IKZF3: variants seen among roughly 807,000 people sequenced by gnomAD.
The protein encoded by IKZF3 is IKAROS family zinc finger 3.
A neutral mutation model predicts 49.0 loss-of-function variants in IKZF3; 10 were observed. That is an observed-to-expected ratio of 0.20 (90% CI 0.13 to 0.35). The LOEUF is 0.35. IKZF3 is among the 10% of genes least tolerant of loss of function. IKZF3 has a pLI of 1.00. For synonymous variants in IKZF3, 209 were observed against 228.2 expected (o/e 0.92, Z 0.76); for missense variants, 498 against 664.8 (o/e 0.75, Z 2.76).
rs1439172184 is a variant in IKZF3, at chr17:39,759,723, G to A, written c.*6067C>T. 1.3e-5 allele frequency: 2 copies of A among 152,214 alleles called. No homozygotes were observed. Among genetic ancestry groups the A allele is most frequent in the African/African-American group, 4.8e-5 (2 of 41,422 alleles). 9.4% of individuals were successfully genotyped at this position (152,214 alleles called of 1,614,324 possible). On this transcript the variant is annotated 3_prime_UTR_variant, in exon 8 of 8. Transcript: ENST00000346872. ...CTGAGGTGGCCCAGGTCCAGCTGCT[G>A]GTTTCAGATCAAAATTGACCTCCTT...
chr17:39,835,577 G>C, intron 1 of IKZF3: 1 of 435,048 alleles, frequency 2.3e-6, no homozygotes, highest in South Asian at 1.8e-5. Context: ...TGTCAGCCTT[G>C]GCCTGGCTGC....
intron 1 of IKZF3, chr17:39,839,230 G>C (rs949757308): frequency 7.2e-6 from 2 of 277,280 alleles, no homozygotes; most frequent in Admixed American, 5.1e-5. Context: ...ACGTTCATAA[G>C]AGATTCAGAG....
chr17:39,781,197 T>A (rs764694682), intron 6 of IKZF3, among the ~76,000 whole-genome samples: 1 of 152,160 alleles, frequency 6.6e-6, no homozygotes, highest in Non-Finnish European at 1.5e-5. Context: ...TATTATTTCC[T>A]TTCACACAAA....
At chr17:39,817,750 T>G (rs1197779704) in intron 3 of IKZF3, among the ~76,000 whole-genome samples, 1 of 152,246 alleles carries the variant, frequency 6.6e-6, no homozygotes, top group Non-Finnish European at 1.5e-5. Context: ...CTGATCATAT[T>G]ATATATTTTA....
At position 39,827,617 on chromosome 17, in the gene IKZF3, T is replaced by C. The variant is rs2061993076; in HGVS notation, c.163+1770A>G. Among the ~76,000 whole-genome samples the C allele has an allele frequency of 2.0e-5, 3 of 152,152 alleles. No individual in the cohort carries two copies. In the South Asian group the frequency reaches 6.2e-4, roughly 32 times the overall value. The stretch of plus-strand genomic sequence containing the variant: ...GCCACTGCACCCAACCTATAAATTG[T>C]TTTTGACGGGGATAAACACAGACTC... On this transcript the variant is annotated intron_variant, in intron 3 of 7. Transcript: ENST00000346872.
intron 3 of IKZF3, among the ~76,000 whole-genome samples, chr17:39,815,315 G>C (rs2061654291): frequency 6.6e-6 from 1 of 152,198 alleles, no homozygotes; most frequent in Non-Finnish European, 1.5e-5. Context: ...ACTAATTTAA[G>C]CACCTAATTA....
At chr17:39,846,792 C>A (rs1235582774) in intron 1 of IKZF3, among the ~76,000 whole-genome samples, 1 of 151,964 alleles carries the variant, frequency 6.6e-6, no homozygotes, top group Non-Finnish European at 1.5e-5. Context: ...TATTAGCTAA[C>A]AAAATTTTCC....
At chr17:39,846,742 C>T (rs898965304) in intron 1 of IKZF3, among the ~76,000 whole-genome samples, 3 of 151,928 alleles carry the variant, frequency 2.0e-5, no homozygotes, top group African/African-American at 7.2e-5. Flanking sequence ...GCCTTTATTT[C>T]TAATACTGTA....
At chr17:39,788,202 G>T in intron 6 of IKZF3, 56 bp downstream of exon 6, 1 of 1,030,890 alleles carries the variant, frequency 9.7e-7, no homozygotes, top group Non-Finnish European at 1.5e-6. Flanking sequence ...ACTTACTATT[G>T]TATCTCACCA....
intron 1 of IKZF3, among the ~76,000 whole-genome samples, chr17:39,833,368 C>A (rs2062170809): frequency 6.6e-6 from 1 of 152,106 alleles, no homozygotes. Flanking sequence ...AGATACAGAA[C>A]ATTACCATCA....
intron 1 of IKZF3, among the ~76,000 whole-genome samples, chr17:39,848,191 C>A (rs368956018): frequency 6.6e-6 from 1 of 151,762 alleles, no homozygotes; most frequent in African/African-American, 2.4e-5. Flanking sequence ...TTCTTCCTAC[C>A]CTCCCCCTTT....
rs2060252011 is a variant in IKZF3, at chr17:39,764,814, G to C, written c.*976C>G. The C allele has an allele frequency of 1.3e-5, 2 of 152,240 alleles. No individual in the cohort carries two copies. The highest frequency in any genetic ancestry group is 4.1e-4 in the South Asian group (2 of 4,832). 9.4% of individuals were successfully genotyped at this position (152,240 alleles called of 1,614,324 possible). A position where few individuals can be genotyped will look rare whatever the true frequency, so the allele number is the denominator to read the frequency against. On this transcript the variant is annotated 3_prime_UTR_variant, in exon 8 of 8. Coordinates refer to ENST00000346872, the MANE Select transcript of IKZF3 (RefSeq NM_012481.5). ...TCTATCTCCAATTCCTCTCCTGTGG[G>C]GAGGGGGAGGCTGAGCCATACTTTT...
chr17:39,807,457 C>T (rs966489907), intron 3 of IKZF3, among the ~76,000 whole-genome samples: 1 of 148,576 alleles, frequency 6.7e-6, no homozygotes, highest in Non-Finnish European at 1.5e-5. Flanking sequence ...AGTGCAGCGG[C>T]ATGATCATGG....
At position 39,803,695 on chromosome 17, in the gene IKZF3, T is replaced by G. The variant is rs186038630; in HGVS notation, c.164-10762A>C. Reference sequence around the variant, plus strand: ...TGCCCTGCTAATTTTGCATTTTTAGTAGAGGCAGGGTTTCTCCATGTTGGT... The same window carrying G: ...TGCCCTGCTAATTTTGCATTTTTAGGAGAGGCAGGGTTTCTCCATGTTGGT... On this transcript the variant is annotated intron_variant, in intron 3 of 7. Transcript: ENST00000346872. 2.4e-3 allele frequency among the ~76,000 whole-genome samples: 362 copies of G among 152,198 alleles called. 2 individuals carry two copies. The highest frequency in any genetic ancestry group is 4.2e-3 in the Non-Finnish European group (289 of 68,006).
intron 1 of IKZF3, chr17:39,835,228 C>G: frequency 3.8e-6 from 2 of 528,594 alleles, no homozygotes; most frequent in Non-Finnish European, 7.4e-6. Context: ...TCCTTGCCCT[C>G]CAGCAACTTC....
At chr17:39,798,321 A>G (rs2061225050) in intron 3 of IKZF3, among the ~76,000 whole-genome samples, 1 of 152,186 alleles carries the variant, frequency 6.6e-6, no homozygotes, top group South Asian at 2.1e-4. Context: ...TGCCAACAAA[A>G]TAAAGTCCAA....
At chr17:39,850,096 C>T (rs1380449711) in intron 1 of IKZF3, among the ~76,000 whole-genome samples, 13 of 79,978 alleles carry the variant, frequency 1.6e-4, no homozygotes, top group South Asian at 3.8e-4. Flanking sequence ...TACTATATAG[C>T]ATATTATATA....
At chr17:39,820,668 G>A (rs957074275) in intron 3 of IKZF3, among the ~76,000 whole-genome samples, 18 of 152,108 alleles carry the variant, frequency 1.2e-4, no homozygotes, top group African/African-American at 4.1e-4. Flanking sequence ...CTTCTAAGTA[G>A]CAGGGGCAGG....
At chr17:39,823,975 G>A (rs2061886249) in intron 3 of IKZF3, among the ~76,000 whole-genome samples, 1 of 152,236 alleles carries the variant, frequency 6.6e-6, no homozygotes, top group African/African-American at 2.4e-5. Flanking sequence ...TGTTAGAAGA[G>A]GGCCACCATC....
Sources: gnomAD v4.1 joint callset for allele counts (sites outside exome capture counted in the v4.1 genomes callset) on GRCh38, gnomAD v4.1.1 for gene constraint, MANE v1.5 for transcripts, NCBI Gene and HGNC (gene_info 2026-07-23, HGNC 2026-07-21) for gene names.